The following CEP85L variants were observed in gnomAD, a reference collection of about 807,000 sequenced individuals.
The protein encoded by CEP85L is centrosomal protein of 85 kDa-like.
Under a neutral mutation model 100.3 loss-of-function variants are expected in CEP85L, and 60 were observed. The ratio of observed to expected loss-of-function variants is 0.60; its 90% confidence interval spans 0.49 to 0.74. The LOEUF is 0.74. CEP85L is among the 30% of genes least tolerant of loss of function. The probability of loss-of-function intolerance (pLI) is 0.00; values close to 1 mark genes in which losing one functional copy is unlikely to be tolerated. For synonymous variants in CEP85L, 319 were observed against 322.7 expected (o/e 0.99, Z 0.12); for missense variants, 973 against 936.2 (o/e 1.04, Z -0.51).
At chr6:118,575,302 T>C (rs1351531259) in intron 2 of CEP85L, among the ~76,000 whole-genome samples, 1 of 152,142 alleles carries the variant, frequency 6.6e-6, no homozygotes, top group East Asian at 1.9e-4. Flanking sequence ...CAACAAATAA[T>C]AAAATATTGT....
chr6:118,641,092 C>G (rs1018586357), intron 1 of CEP85L, among the ~76,000 whole-genome samples: 2 of 152,172 alleles, frequency 1.3e-5, no homozygotes, highest in Admixed American at 6.5e-5. Flanking sequence ...AACAATAATT[C>G]TTCTGCTCCT....
At chr6:118,514,774 G>C (rs572103962) in intron 4 of CEP85L, among the ~76,000 whole-genome samples, 1 of 151,752 alleles carries the variant, frequency 6.6e-6, no homozygotes, top group Non-Finnish European at 1.5e-5. Flanking sequence ...GAGAGCCAGA[G>C]TAACTATATT....
chr6:118,492,754 C>A (rs1414299489), intron 5 of CEP85L, among the ~76,000 whole-genome samples: 9 of 152,088 alleles, frequency 5.9e-5, no homozygotes, highest in Non-Finnish European at 1.3e-4. Flanking sequence ...AAAATCAGAT[C>A]CCACCAGTTT....
chr6:118,567,389 GA>G (rs2115008053), intron 2 of CEP85L, among the ~76,000 whole-genome samples: 1 of 151,090 alleles, frequency 6.6e-6, no homozygotes, highest in Non-Finnish European at 1.5e-5. Context: ...CAAAATAGTT[GA>G]GTTTCTATTA....
chr6:118,703,693 C>T (rs539195339), intron 1 of CEP85L, among the ~76,000 whole-genome samples: 6 of 152,280 alleles, frequency 3.9e-5, no homozygotes, highest in African/African-American at 7.2e-5. Context: ...TTACTGCAAA[C>T]GCTTTATGAG....
intron 5 of CEP85L, among the ~76,000 whole-genome samples, chr6:118,500,530 C>A (rs184257439): frequency 4.0e-5 from 2 of 50,004 alleles, no homozygotes; most frequent in South Asian, 5.7e-4. Flanking sequence ...TCAACAATCA[C>A]CCTCTCTTTC....
chr6:118,670,215 G>A (rs570250629), intron 1 of CEP85L, among the ~76,000 whole-genome samples: 14 of 150,852 alleles, frequency 9.3e-5, no homozygotes, highest in Non-Finnish European at 1.9e-4. Context: ...GATGCAAGCA[G>A]AGGCTTTTTT....
chr6:118,554,571 C>T (rs893201004), intron 3 of CEP85L, among the ~76,000 whole-genome samples: 1 of 152,190 alleles, frequency 6.6e-6, no homozygotes, highest in Non-Finnish European at 1.5e-5. Flanking sequence ...AATAAACACA[C>T]AGTTTCTTTA....
At chr6:118,585,177 T>C (rs1780787828) in intron 2 of CEP85L, among the ~76,000 whole-genome samples, 1 of 152,182 alleles carries the variant, frequency 6.6e-6, no homozygotes, top group Admixed American at 6.5e-5. Context: ...AGCTAATCGC[T>C]CTTACAGAAG....
chr6:118,502,318 G>A (rs1582924905), intron 5 of CEP85L: 1 of 511,598 alleles, frequency 2.0e-6, no homozygotes, highest in South Asian at 2.0e-5. Context: ...GATCTTCCAA[G>A]CAATTTCAGC....
chr6:118,539,614 T>G (rs566782453), intron 3 of CEP85L, among the ~76,000 whole-genome samples: 7 of 152,208 alleles, frequency 4.6e-5, no homozygotes, highest in African/African-American at 1.7e-4. Flanking sequence ...TTATTTTAAG[T>G]TCCGGGATAC....
chr6:118,694,431 C>G (rs1777141426), intron 1 of CEP85L, among the ~76,000 whole-genome samples: 1 of 152,058 alleles, frequency 6.6e-6, no homozygotes, highest in African/African-American at 2.4e-5. Context: ...ATACATTTTT[C>G]CAATAATTTA....
At chr6:118,502,993 G>A (rs1162680791) in intron 5 of CEP85L, 2 of 249,664 alleles carry the variant, frequency 8.0e-6, no homozygotes, top group Non-Finnish European at 8.1e-6. Context: ...ACTTAAAAAC[G>A]CTTTCACAAG....
rs59278037 is a variant in CEP85L at position 118,600,300 on chromosome 6, G to GGTGTGTGTGTGTGTGTGTGT, written c.232+32133_232+32152dup. On this transcript the variant is annotated intron_variant, in intron 2 of 12. Coordinates refer to ENST00000368491, the MANE Select transcript of CEP85L (RefSeq NM_001042475.3). Reference sequence around the variant, plus strand: ...CTGCCTGTCCCTGAGCCTTCCTGGGGGTGTGTGTGTGTGTGTGTGTGTGTG... The same window carrying GGTGTGTGTGTGTGTGTGTGT: ...CTGCCTGTCCCTGAGCCTTCCTGGGGGTGTGTGTGTGTGTGTGTGTGTGTGTGTGTGTGTGTGTGTGTGTG... Among the ~76,000 whole-genome samples the GGTGTGTGTGTGTGTGTGTGT allele has an allele frequency of 2.9e-4, 15 of 52,238 alleles. 2 individuals carry two copies. Among genetic ancestry groups the GGTGTGTGTGTGTGTGTGTGT allele is most frequent in the East Asian group, 2.4e-3 (4 of 1,682 alleles). 34.3% of individuals were successfully genotyped at this position (52,238 alleles called of 152,430 possible). A position where few individuals can be genotyped will look rare whatever the true frequency, so the allele number is the denominator to read the frequency against.
chr6:118,598,528 G>C (rs956317645), intron 2 of CEP85L, among the ~76,000 whole-genome samples: 2 of 152,162 alleles, frequency 1.3e-5, no homozygotes, highest in Non-Finnish European at 2.9e-5. Flanking sequence ...TATGAAGACA[G>C]AAAGCTCAGG....
chr6:118,606,560 AC>A (rs1278012527), intron 2 of CEP85L, among the ~76,000 whole-genome samples: 1 of 152,204 alleles, frequency 6.6e-6, no homozygotes, highest in African/African-American at 2.4e-5. Flanking sequence ...TATGACATGA[AC>A]CCTAAAATTC....
chr6:118,704,698 T>A (rs900775515), intron 1 of CEP85L, among the ~76,000 whole-genome samples: 3 of 152,154 alleles, frequency 2.0e-5, no homozygotes, highest in African/African-American at 7.2e-5. Context: ...CTCAAACTCC[T>A]GACTTCAAGT....
intron 1 of CEP85L, among the ~76,000 whole-genome samples, chr6:118,641,151 T>C (rs1774844975): frequency 2.0e-5 from 3 of 152,050 alleles, no homozygotes; most frequent in African/African-American, 7.3e-5. Flanking sequence ...CCTTGCTCTT[T>C]TCCCTCCCTA....
At chr6:118,558,351 G>A (rs1251550706) in intron 3 of CEP85L, among the ~76,000 whole-genome samples, 5 of 152,088 alleles carry the variant, frequency 3.3e-5, no homozygotes, top group African/African-American at 1.2e-4. Flanking sequence ...GAAGTTTGGT[G>A]ATGTTTTTGT....
Sources: allele counts gnomAD v4.1 joint callset (sites outside exome capture counted in the v4.1 genomes callset), GRCh38; gene constraint gnomAD v4.1.1; transcripts MANE v1.5; gene names NCBI Gene and HGNC (gene_info 2026-07-23, HGNC 2026-07-21).